The following TTPA variants were observed in gnomAD, a reference collection of about 807,000 sequenced individuals.
TTPA encodes alpha tocopherol transfer protein, also known as alpha-tocopherol transfer protein.
In TTPA, 23 loss-of-function variants were observed where a neutral mutation model predicts 25.9. The observed-to-expected ratio is 0.89, with a 90% confidence interval of 0.64 to 1.26. TTPA has a LOEUF of 1.26. Ranked by LOEUF, TTPA falls within the 50% of genes most tolerant of loss-of-function variation. The probability of loss-of-function intolerance (pLI) is 0.00; values close to 1 mark genes in which losing one functional copy is unlikely to be tolerated. For synonymous variants in TTPA, 148 were observed against 137.3 expected (o/e 1.08, Z -0.54); for missense variants, 337 against 353.1 (o/e 0.95, Z 0.37).
chr8:63,059,236 T>G (rs948837174), downstream of TTPA, among the ~76,000 whole-genome samples: 1 of 150,762 alleles, frequency 6.6e-6, no homozygotes. Flanking sequence ...GTTTCACCGT[T>G]TTAGCCGGGA....
Position 63,060,115 on chromosome 8 carries a change from GTAATTTT to G in TTPA, c.*1130_*1136del, listed in dbSNP as rs1271390645. ...TGAAAAATACCAGATGTAATTGACA[GTAATTTT>G]TTAAAATGTAAACATTTCCTTTCCT... is the stretch of plus-strand genomic sequence containing the variant. On this transcript the variant is annotated 3_prime_UTR_variant, in exon 5 of 5. Transcript: ENST00000260116. 2.6e-5 allele frequency: 4 copies of G among 152,214 alleles called. No homozygotes were observed. Among genetic ancestry groups the G allele is most frequent in the African/African-American group, 9.6e-5 (4 of 41,468 alleles). 9.4% of individuals were successfully genotyped at this position (152,214 alleles called of 1,614,324 possible). A position where few individuals can be genotyped will look rare whatever the true frequency, so the allele number is the denominator to read the frequency against.
At chr8:63,065,801 A>C in intron 3 of TTPA, 103 bp downstream of exon 3, 1 of 1,274,482 alleles carries the variant, frequency 7.8e-7, no homozygotes, top group Non-Finnish European at 1.1e-6. Flanking sequence ...ATTGTATTTA[A>C]ATTTCTAACA....
chr8:63,076,532 T>C (rs1805564693), intron 1 of TTPA, among the ~76,000 whole-genome samples: 1 of 152,176 alleles, frequency 6.6e-6, no homozygotes, highest in African/African-American at 2.4e-5. Context: ...TGCGGTGGAT[T>C]TAGACACAGT....
intron 2 of TTPA, among the ~76,000 whole-genome samples, chr8:63,069,236 A>C (rs1413258422): frequency 6.6e-6 from 1 of 152,104 alleles, no homozygotes; most frequent in African/African-American, 2.4e-5. Context: ...CCCATGGATA[A>C]CCCAGATCAA....
rs2129762798 is a variant in TTPA, at chr8:63,073,013, C to CAAT, written c.277_279dup (p.Ile93dup). The CAAT allele has an allele frequency of 6.2e-7, 1 of 1,613,766 alleles. No homozygotes were observed. The highest frequency in any genetic ancestry group is 2.2e-5 in the East Asian group (1 of 44,864). ...CCATGGTAGCCAGCCTTTAGGAGGC[C>CAAT]AATAATACTTCTAGGGTGTAGATCT... On this transcript the variant is annotated inframe_insertion, in exon 2 of 5. Coordinates refer to ENST00000260116, the MANE Select transcript of TTPA (RefSeq NM_000370.3).
intron 2 of TTPA, 85 bp from the exon 3 acceptor site, chr8:63,066,182 T>A: frequency 1.5e-6 from 2 of 1,320,946 alleles, no homozygotes; most frequent in Non-Finnish European, 2.1e-6. Flanking sequence ...ATTTTATTCT[T>A]AAAAGATCAG....
chr8:63,061,124 T>C lies in TTPA; in HGVS notation c.*128A>G, dbSNP rs1381725266. 25 of 1,001,094 alleles carry C rather than the reference T, an allele frequency of 2.5e-5. No homozygotes were observed. Among genetic ancestry groups the C allele is most frequent in the Admixed American group, 1.2e-4 (6 of 48,830 alleles). The allele number at this position is 1,001,094 out of a possible 1,614,324, so 62.0% of individuals were successfully genotyped here. A position where few individuals can be genotyped will look rare whatever the true frequency, so the allele number is the denominator to read the frequency against. On this transcript the variant is annotated 3_prime_UTR_variant, in exon 5 of 5. Transcript: ENST00000260116. ...CACCTGTGTTGCTCATGTCAGAAGA[T>C]TTCTACATTTTTAAAGTTCAGGCAA...
At chr8:63,072,057 AC>A (rs763630619) in intron 2 of TTPA, among the ~76,000 whole-genome samples, 6 of 152,114 alleles carry the variant, frequency 3.9e-5, no homozygotes, top group Admixed American at 1.3e-4. Context: ...TTTCCTCTGC[AC>A]CCTCCTCCAC....
At chr8:63,062,915 T>TA (rs1805330278) in intron 4 of TTPA, among the ~76,000 whole-genome samples, 1 of 152,170 alleles carries the variant, frequency 6.6e-6, no homozygotes, top group Non-Finnish European at 1.5e-5. Flanking sequence ...TTGATTTGTA[T>TA]AAAAATACTA....
At chr8:63,058,839 G>T (rs955280376), downstream of TTPA, among the ~76,000 whole-genome samples, 1 of 152,074 alleles carries the variant, frequency 6.6e-6, no homozygotes, top group Non-Finnish European at 1.5e-5. Flanking sequence ...AAGTGGAACT[G>T]GTGATTGATA....
intron 1 of TTPA, among the ~76,000 whole-genome samples, chr8:63,084,573 G>C (rs1805717821): frequency 6.6e-6 from 1 of 152,158 alleles, no homozygotes; most frequent in African/African-American, 2.4e-5. Flanking sequence ...GATGCTCCTA[G>C]TTCAAAGACA....
At chr8:63,084,397 G>A (rs1342003285) in intron 1 of TTPA, among the ~76,000 whole-genome samples, 1 of 152,158 alleles carries the variant, frequency 6.6e-6, no homozygotes, top group Non-Finnish European at 1.5e-5. Context: ...GTACTACTAG[G>A]CAAATTGTAG....
intron 1 of TTPA, 45 bp downstream of exon 1, chr8:63,085,773 C>T (rs555671816): frequency 1.1e-4 from 168 of 1,507,870 alleles, no homozygotes; most frequent in Non-Finnish European, 1.4e-4. Flanking sequence ...GGGGACGGGG[C>T]GGGTGAGGTG....
intron 1 of TTPA, among the ~76,000 whole-genome samples, chr8:63,074,995 A>G (rs1400646834): frequency 6.6e-6 from 1 of 152,232 alleles, no homozygotes; most frequent in East Asian, 1.9e-4. Context: ...AAGAGGCACA[A>G]ATCACTATCT....
At chr8:63,070,953 C>T (rs1805473180) in intron 2 of TTPA, among the ~76,000 whole-genome samples, 1 of 151,300 alleles carries the variant, frequency 6.6e-6, no homozygotes, top group South Asian at 2.1e-4. Flanking sequence ...TAAGAATGCT[C>T]CATACATACT....
downstream of TTPA, among the ~76,000 whole-genome samples, chr8:63,059,026 T>TTTGTTTG (rs1805248698): frequency 2.0e-5 from 2 of 100,974 alleles, no homozygotes; most frequent in African/African-American, 7.1e-5. Context: ...TCCAGTTTTT[T>TTTGTTTG]TTTTTTTTTT....
At chr8:63,067,610 T>C (rs1338213160) in intron 2 of TTPA, among the ~76,000 whole-genome samples, 1 of 152,146 alleles carries the variant, frequency 6.6e-6, no homozygotes, top group Non-Finnish European at 1.5e-5. Context: ...ATTTATTTAT[T>C]TATTTTCAAC....
chr8:63,083,018 A>T (rs1430083834), intron 1 of TTPA, among the ~76,000 whole-genome samples: 1 of 152,204 alleles, frequency 6.6e-6, no homozygotes, highest in African/African-American at 2.4e-5. Flanking sequence ...GAGAAATAAG[A>T]ATGCTTTTAC....
At chr8:63,085,761 CG>C in intron 1 of TTPA, 56 bp downstream of exon 1, 2 of 1,404,316 alleles carry the variant, frequency 1.4e-6, no homozygotes, top group South Asian at 2.5e-5. Flanking sequence ...GGTCGTGGGG[CG>C]GGGGACGGGG....
Sources: gnomAD v4.1 joint callset for allele counts (sites outside exome capture counted in the v4.1 genomes callset) on GRCh38, gnomAD v4.1.1 for gene constraint, MANE v1.5 for transcripts, NCBI Gene and HGNC (gene_info 2026-07-23, HGNC 2026-07-21) for gene names.